The following COL13A1 variants were observed in gnomAD, a reference collection of about 807,000 sequenced individuals.
COL13A1 encodes collagen type XIII alpha 1 chain, also known as collagen alpha-1(XIII) chain.
In COL13A1, 89 loss-of-function variants were observed where a neutral mutation model predicts 130.9. That is an observed-to-expected ratio of 0.68 (90% CI 0.57 to 0.81). The LOEUF (loss-of-function observed/expected upper bound fraction) is 0.81, where lower values mean the gene tolerates loss of function less well. COL13A1 is among the 30% of genes least tolerant of loss of function. The probability of loss-of-function intolerance (pLI) is 0.00; values close to 1 mark genes in which losing one functional copy is unlikely to be tolerated. For synonymous variants in COL13A1, 402 were observed against 341.6 expected, an observed-to-expected ratio of 1.18 and a Z score of -1.95; for missense variants, 879 against 934.6, an observed-to-expected ratio of 0.94 and a Z score of 0.78.
Position 69,887,478 on chromosome 10 carries a change from TC to T in COL13A1, c.539del (p.Pro180LeufsTer24), listed in dbSNP as rs772155842. On this transcript the variant is annotated frameshift_variant, in exon 8 of 41. Coordinates refer to ENST00000645393, the MANE Select transcript of COL13A1 (RefSeq NM_001368882.1). LOFTEE classifies it high-confidence loss of function. ...CAGGGTCAACCAGGAACTAGAGGTT[TC>T]CCTGGATTTCCGGTAAGTGGAGAAG... Reference protein sequence around the residue: ...GPPGQPGTRGFPGFPGPIGLD... With the variant: ...GPPGQPGTRGXPGFPGPIGLD... The T allele has an allele frequency of 6.2e-7, 1 of 1,613,724 alleles. No homozygotes were observed. Among genetic ancestry groups the T allele is most frequent in the Non-Finnish European group, 8.5e-7 (1 of 1,179,814 alleles).
chr10:69,940,931 T>G (rs2067538537), intron 34 of COL13A1, 57 bp from the exon 35 acceptor site: 25 of 1,613,030 alleles, frequency 1.5e-5, no homozygotes, highest in Non-Finnish European at 2.0e-5. Flanking sequence ...TGTTCCCTTT[T>G]TCTCCCTCCC....
At chr10:69,876,351 C>T (rs920704434) in intron 5 of COL13A1, among the ~76,000 whole-genome samples, 1 of 152,208 alleles carries the variant, frequency 6.6e-6, no homozygotes, top group Admixed American at 6.5e-5. Context: ...TAACCACCCA[C>T]CCCCACTGGC....
chr10:69,921,879 C>A lies in COL13A1; in HGVS notation c.1090-3C>A, dbSNP rs1307803116. 2 of 1,604,822 alleles carry A rather than the reference C, an allele frequency of 1.2e-6. No homozygotes were observed. Among genetic ancestry groups the A allele is most frequent in the Admixed American group, 3.4e-5 (2 of 58,938 alleles). Reference sequence around the variant, plus strand: ...CCCCCACACTGTCTGCATCTCCCTGCAGGGTGAGAAGGGGGCTGAAGGCTC... The same window carrying A: ...CCCCCACACTGTCTGCATCTCCCTGAAGGGTGAGAAGGGGGCTGAAGGCTC... On this transcript the variant is annotated splice_region_variant and splice_polypyrimidine_tract_variant and intron_variant, in intron 21 of 40. Coordinates refer to ENST00000645393, the MANE Select transcript of COL13A1 (RefSeq NM_001368882.1).
intron 1 of COL13A1, among the ~76,000 whole-genome samples, chr10:69,811,029 T>C (rs760208464): frequency 4.6e-5 from 7 of 152,234 alleles, no homozygotes; most frequent in African/African-American, 1.4e-4. Flanking sequence ...CTGGCGGCTA[T>C]TGTAGGTTTT....
rs139836954 is a variant in COL13A1, at chr10:69,938,804, G to C, written c.1878+1089G>C. ...ATTTAAGAAGCCAATCTGCTTGACAGACTACAGAAAACTGATGACTTTAGC... is the reference window on the plus strand; with the variant it reads ...ATTTAAGAAGCCAATCTGCTTGACACACTACAGAAAACTGATGACTTTAGC... On this transcript the variant is annotated intron_variant, in intron 34 of 40. Transcript: ENST00000645393. 8.5e-3 allele frequency among the ~76,000 whole-genome samples: 1,291 copies of C among 152,308 alleles called. 10 individuals carry two copies. The highest frequency in any genetic ancestry group is 0.014 in the Non-Finnish European group (979 of 68,018).
chr10:69,812,410 G>A (rs1473447958), intron 1 of COL13A1, among the ~76,000 whole-genome samples: 3 of 152,188 alleles, frequency 2.0e-5, no homozygotes, highest in African/African-American at 7.2e-5. Flanking sequence ...GATAATAAGA[G>A]TACTTTTATG....
intron 24 of COL13A1, 97 bp from the exon 25 acceptor site, chr10:69,924,866 A>T: frequency 1.6e-6 from 2 of 1,248,584 alleles, no homozygotes; most frequent in Non-Finnish European, 2.2e-6. Context: ...AAGAGCTAAG[A>T]TGAGCCTCCT....
In COL13A1 at chr10:69,802,630, G is replaced by A; in HGVS notation, c.207G>A (p.Gln69=). Residue 69 remains glutamine, a synonymous_variant, in exon 1 of 41, where the codon CAG becomes CAA. Coordinates refer to ENST00000645393, the MANE Select transcript of COL13A1 (RefSeq NM_001368882.1). ...CCCACTTTCGGACGGCCGAGCTGCA[G>A]GCCCGGGTGCTGCGCCTGGAAGCGG... is the stretch of plus-strand genomic sequence containing the variant. ...LLAHFRTAEL[Q]ARVLRLEAER... 1 of 1,613,386 alleles carries A rather than the reference G, an allele frequency of 6.2e-7. No homozygotes were observed. Among genetic ancestry groups the A allele is most frequent in the Non-Finnish European group, 8.5e-7 (1 of 1,179,554 alleles).
intron 17 of COL13A1, among the ~76,000 whole-genome samples, chr10:69,909,812 A>G (rs544696586): frequency 6.4e-4 from 97 of 152,352 alleles, no homozygotes; most frequent in Non-Finnish European, 1.0e-3. Flanking sequence ...TGGGCAGTGC[A>G]GCAATATTTC....
At chr10:69,884,001 TGAGGGAGAAGCAAGAACTCAA>T (rs1252645924) in intron 7 of COL13A1, among the ~76,000 whole-genome samples, 1 of 152,026 alleles carries the variant, frequency 6.6e-6, no homozygotes. Context: ...AAATAAGGAT[TGAGGGAGAAGCAAGAACTCAA>T]GATGACACCA....
chr10:69,909,004 G>C (rs1030584674), intron 17 of COL13A1, among the ~76,000 whole-genome samples: 2 of 152,184 alleles, frequency 1.3e-5, no homozygotes, highest in African/African-American at 4.8e-5. Context: ...GATAATGACT[G>C]GTCTGGGATG....
intron 14 of COL13A1, among the ~76,000 whole-genome samples, chr10:69,901,503 G>A (rs2062178347): frequency 6.6e-6 from 1 of 152,216 alleles, no homozygotes; most frequent in South Asian, 2.1e-4. Context: ...CCTCAGGTGT[G>A]TCATAGGGGC....
At chr10:69,890,944 A>G (rs2061111362) in intron 10 of COL13A1, among the ~76,000 whole-genome samples, 1 of 152,156 alleles carries the variant, frequency 6.6e-6, no homozygotes, top group East Asian at 1.9e-4. Context: ...ACAGTTCTCA[A>G]ATTCCTTCCC....
At chr10:69,927,063 G>T in intron 26 of COL13A1, 24 bp from the exon 27 acceptor site, 4 of 1,613,780 alleles carry the variant, frequency 2.5e-6, no homozygotes, top group South Asian at 1.1e-5. Flanking sequence ...CTCTTCAACT[G>T]ATTGCCTGGT....
intron 17 of COL13A1, among the ~76,000 whole-genome samples, chr10:69,909,178 G>A (rs1039146539): frequency 7.9e-5 from 12 of 152,124 alleles, no homozygotes; most frequent in African/African-American, 2.4e-4. Flanking sequence ...TTGAACCTTC[G>A]TCCATGTCTT....
chr10:69,854,565 A>C (rs1239459729), intron 2 of COL13A1, among the ~76,000 whole-genome samples: 1 of 147,568 alleles, frequency 6.8e-6, no homozygotes, highest in Non-Finnish European at 1.5e-5. Context: ...CCCTGTCTCA[A>C]AAAAAAAAAG....
chr10:69,891,545 C>G (rs1435618191), intron 10 of COL13A1, among the ~76,000 whole-genome samples: 1 of 152,184 alleles, frequency 6.6e-6, no homozygotes, highest in Non-Finnish European at 1.5e-5. Flanking sequence ...ATCACAGCTG[C>G]CTCCGCTGCA....
intron 37 of COL13A1, among the ~76,000 whole-genome samples, chr10:69,946,127 C>T (rs924873072): frequency 1.3e-5 from 2 of 150,134 alleles, no homozygotes; most frequent in African/African-American, 4.9e-5. Flanking sequence ...GCCTGGAGCA[C>T]AAATCCAGGG....
intron 12 of COL13A1, among the ~76,000 whole-genome samples, chr10:69,895,273 G>A (rs117871727): frequency 2.6e-3 from 394 of 152,294 alleles, no homozygotes; most frequent in Non-Finnish European, 4.4e-3. Flanking sequence ...CATAACTCCC[G>A]ACTCTGCCAT....
Sources: allele counts gnomAD v4.1 joint callset (sites outside exome capture counted in the v4.1 genomes callset), GRCh38; gene constraint gnomAD v4.1.1; transcripts MANE v1.5; gene names NCBI Gene and HGNC (gene_info 2026-07-23, HGNC 2026-07-21).